The following ATG14 variants were observed in gnomAD, a reference collection of about 807,000 sequenced individuals.
The protein encoded by ATG14 is beclin 1-associated autophagy-related key regulator.
A neutral mutation model predicts 60.4 loss-of-function variants in ATG14; 35 were observed. The ratio of observed to expected loss-of-function variants is 0.58; its 90% CI spans 0.44 to 0.77. The LOEUF is 0.77. Among genes scored for constraint, ATG14 ranks in the 30% least tolerant of loss-of-function variants. The pLI, the probability that ATG14 is intolerant of heterozygous loss-of-function variation, is 0.00. For missense variants in ATG14, 647 were observed against 626.3 expected (o/e 1.03, Z -0.35); for synonymous variants, 234 against 228.8 (o/e 1.02, Z -0.21).
At chr14:55,382,228 G>A (rs76241227) in intron 5 of ATG14, 37 bp from the exon 6 acceptor site, 2 of 1,602,256 alleles carry the variant, frequency 1.2e-6, no homozygotes, top group Non-Finnish European at 1.7e-6. Flanking sequence ...TTTCAAGAGA[G>A]AGGGTTTTTA....
rs763114334 is a variant in ATG14, at chr14:55,411,759, G to T, written c.64C>A (p.Leu22Ile). The change falls in exon 1 of 10, where the codon CTC becomes ATC. Residue 22 changes from leucine (L) to isoleucine (I), a missense_variant. Leu to Ile is a conservative substitution (Grantham distance 5, BLOSUM62 2). Coordinates refer to ENST00000247178, the MANE Select transcript of ATG14 (RefSeq NM_014924.5). ...LEAPGCGPRP[L>I]ARDLVDSVDD... The stretch of plus-strand genomic sequence containing the variant: ...ACGGAGTCCACCAGGTCCCGGGCGA[G>T]CGGCCGGGGCCCGCAGCCAGGAGCC... The T allele has an allele frequency of 6.2e-7, 1 of 1,606,818 alleles. No homozygotes were observed. Among genetic ancestry groups the T allele is most frequent in the South Asian group, 1.1e-5 (1 of 90,070 alleles).
chr14:55,402,529 G>T (rs761271281), intron 1 of ATG14, among the ~76,000 whole-genome samples: 1 of 152,050 alleles, frequency 6.6e-6, no homozygotes, highest in African/African-American at 2.4e-5. Context: ...TTCAATGGGA[G>T]AAAGACTAAA....
intron 1 of ATG14, 83 bp downstream of exon 1, chr14:55,411,519 G>T: frequency 1.5e-6 from 2 of 1,352,764 alleles, no homozygotes; most frequent in African/African-American, 1.5e-5. Context: ...TGCCCGGACG[G>T]GGAGCCCCAG....
At chr14:55,401,190 GAAC>G (rs1425234505) in intron 1 of ATG14, among the ~76,000 whole-genome samples, 1 of 151,656 alleles carries the variant, frequency 6.6e-6, no homozygotes, top group Non-Finnish European at 1.5e-5. Flanking sequence ...GAGAAAGTTT[GAAC>G]AACTTTTCAT....
rs1329100713 is a variant in ATG14 at position 55,377,815 on chromosome 14, T to C, written c.1172+4A>G. 4 of 1,564,054 alleles carry C rather than the reference T, an allele frequency of 2.6e-6. No individual in the cohort carries two copies. Among genetic ancestry groups the C allele is most frequent in the Non-Finnish European group, 3.5e-6 (4 of 1,157,210 alleles). ...TTAGAGAAAAGCAACAAATATCTTC[T>C]TACCTGCCTAGGTGTTCAGAGCTTG... On this transcript the variant is annotated splice_donor_region_variant and intron_variant, in intron 9 of 9. Coordinates refer to ENST00000247178, the MANE Select transcript of ATG14 (RefSeq NM_014924.5).
chr14:55,370,801 C>T (rs550853679), intron 9 of ATG14, among the ~76,000 whole-genome samples: 61 of 152,222 alleles, frequency 4.0e-4, no homozygotes, highest in African/African-American at 1.4e-3. Context: ...CCACCATGCC[C>T]GGCTAATTTT....
At chr14:55,384,950 C>T (rs1266949938) in intron 5 of ATG14, among the ~76,000 whole-genome samples, 4 of 152,224 alleles carry the variant, frequency 2.6e-5, no homozygotes, top group Non-Finnish European at 4.4e-5. Flanking sequence ...CTCTATTTCT[C>T]AGATGAACAG....
intron 4 of ATG14, among the ~76,000 whole-genome samples, chr14:55,389,622 A>G (rs754862220): frequency 1.3e-5 from 2 of 152,230 alleles, no homozygotes; most frequent in Non-Finnish European, 2.9e-5. Flanking sequence ...TGATCTTCAG[A>G]AATTCATGGA....
chr14:55,381,886 G>A (rs1885039387), intron 6 of ATG14, 76 bp downstream of exon 6: 2 of 1,271,792 alleles, frequency 1.6e-6, no homozygotes, highest in Admixed American at 3.7e-5. Context: ...TCACTTGAAA[G>A]CTCTTCATTT....
At chr14:55,405,984 G>A (rs1885483322) in intron 1 of ATG14, among the ~76,000 whole-genome samples, 1 of 152,128 alleles carries the variant, frequency 6.6e-6, no homozygotes. Flanking sequence ...GATGATGTGG[G>A]TGAGGATACC....
chr14:55,380,890 T>C (rs1233219992), intron 6 of ATG14, among the ~76,000 whole-genome samples, 200 bp from the exon 7 acceptor site: 28 of 146,748 alleles, frequency 1.9e-4, no homozygotes, highest in African/African-American at 7.0e-4. Flanking sequence ...TTTTTTTTTT[T>C]TTGCTGAGAG....
chr14:55,389,972 A>G (rs1198280331), intron 4 of ATG14, among the ~76,000 whole-genome samples: 2 of 152,224 alleles, frequency 1.3e-5, no homozygotes, highest in Non-Finnish European at 2.9e-5. Context: ...AAAAAAAACA[A>G]TATTCTGTGC....
intron 7 of ATG14, among the ~76,000 whole-genome samples, chr14:55,380,099 T>C (rs1884999432): frequency 6.6e-6 from 1 of 152,004 alleles, no homozygotes; most frequent in South Asian, 2.1e-4. Context: ...AATACAAAAA[T>C]TAGCCAGGCG....
intron 1 of ATG14, among the ~76,000 whole-genome samples, chr14:55,399,473 G>A (rs1566584753): frequency 6.6e-6 from 1 of 152,132 alleles, no homozygotes. Context: ...GTGGAATGTG[G>A]ATGAACCCAT....
intron 9 of ATG14, among the ~76,000 whole-genome samples, chr14:55,370,931 A>G (rs1475628446): frequency 7.2e-5 from 11 of 152,034 alleles, no homozygotes; most frequent in Non-Finnish European, 1.0e-4. Context: ...GTGAGCCACC[A>G]CGCCCGGCCG....
chr14:55,401,549 A>C (rs574957057), intron 1 of ATG14, among the ~76,000 whole-genome samples: 1 of 152,246 alleles, frequency 6.6e-6, no homozygotes, highest in African/African-American at 2.4e-5. Context: ...TCACTAAATT[A>C]TTCCATACTT....
At chr14:55,396,662 G>A (rs1002526185) in intron 2 of ATG14, among the ~76,000 whole-genome samples, 5 of 152,174 alleles carry the variant, frequency 3.3e-5, no homozygotes, top group South Asian at 2.1e-4. Context: ...TGGGCAGGGC[G>A]TGCTCAGAGA....
At chr14:55,378,462 G>A (rs1884962834) in intron 7 of ATG14, among the ~76,000 whole-genome samples, 1 of 152,152 alleles carries the variant, frequency 6.6e-6, no homozygotes, top group Non-Finnish European at 1.5e-5. Context: ...GCAGTCAAAG[G>A]CTTATAACGG....
At chr14:55,397,317 A>C in intron 2 of ATG14, 55 bp downstream of exon 2, 1 of 1,475,056 alleles carries the variant, frequency 6.8e-7, no homozygotes, top group Non-Finnish European at 9.5e-7. Flanking sequence ...ACTGAATTCA[A>C]CCAAATGTTG....
Sources: allele counts gnomAD v4.1 joint callset (sites outside exome capture counted in the v4.1 genomes callset), GRCh38; gene constraint gnomAD v4.1.1; transcripts MANE v1.5; gene names NCBI Gene and HGNC (gene_info 2026-07-23, HGNC 2026-07-21).